The following PCDHGC3 variants were observed in gnomAD, a reference collection of about 807,000 sequenced individuals.
PCDHGC3 encodes the protein protocadherin gamma subfamily C, 3, also known as protocadherin gamma-C3.
A neutral mutation model predicts 59.2 loss-of-function variants in PCDHGC3; 26 were observed. The ratio of observed to expected loss-of-function variants is 0.44; its 90% CI spans 0.32 to 0.61. PCDHGC3 has a LOEUF of 0.61. Ranked by LOEUF, PCDHGC3 falls within the 20% of genes least tolerant of loss-of-function variation. The pLI, the probability that PCDHGC3 is intolerant of heterozygous loss-of-function variation, is 0.05. For missense variants in PCDHGC3, 1,080 were observed against 1,221.8 expected (o/e 0.88, Z 1.73); for synonymous variants, 487 against 519.7 (o/e 0.94, Z 0.86).
At position 141,485,532 on chromosome 5, in the gene PCDHGC3, A is replaced by C. The variant is rs1360942348; in HGVS notation, c.2430+6986A>C. 6.2e-7 allele frequency: 1 copy of C among 1,614,108 alleles called. No individual in the cohort carries two copies. The highest frequency in any genetic ancestry group is 1.7e-5 in the Admixed American group (1 of 60,000). ...GGTCCTTTGGAAATGTACCGAGCAG[A>C]GGTAGAGATCGTAGATGTGAATGAT... On this transcript the variant is annotated intron_variant, in intron 1 of 3. Transcript: ENST00000308177. This position sits in a 1 kb window ranked among gnomAD's most constrained non-coding sequence, Gnocchi z 5.7.
rs2233610 is a variant in PCDHGC3, at chr5:141,505,535, G to A, written c.2578+54G>A. ...AGTGGGAGACCTGGGGTTCTGGGGT[G>A]CATCTCACAGCCACCATGCCCACGG... is the stretch of plus-strand genomic sequence containing the variant. On this transcript the variant is annotated intron_variant, in intron 3 of 3. Transcript: ENST00000308177. 12 of 1,610,344 alleles carry A rather than the reference G, an allele frequency of 7.5e-6. No individual in the cohort carries two copies. The East Asian group carries it at 1.8e-4, about 24-fold the overall frequency.
At chr5:141,480,033 C>T (rs370321166) in intron 1 of PCDHGC3, among the ~76,000 whole-genome samples, 1 of 152,106 alleles carries the variant, frequency 6.6e-6, no homozygotes, top group African/African-American at 2.4e-5. Flanking sequence ...AAGCCTCTTC[C>T]TCATATGCAA....
intron 1 of PCDHGC3, among the ~76,000 whole-genome samples, chr5:141,482,988 G>A (rs982148755): frequency 2.6e-5 from 4 of 152,112 alleles, no homozygotes; most frequent in South Asian, 2.1e-4. Context: ...GAGAGGTCGA[G>A]GCAGGAGAAT....
chr5:141,476,317 G>T lies in PCDHGC3; in HGVS notation c.201G>T (p.Arg67=), dbSNP rs759809060. ...GTAGCCTCTCAGCCCGCAGGTTCCG[G>T]GTGGTGTCTGGAGCTAGCCGAAGAT... The part of the protein sequence containing the change: ...DLGSLSARRF[R]VVSGASRRFF... The change falls in exon 1 of 4, where the codon CGG becomes CGT. Residue 67 remains arginine, a synonymous_variant. Transcript: ENST00000308177. This position sits in a 1 kb window ranked among gnomAD's most constrained non-coding sequence, Gnocchi z 7.6. 1.9e-6 allele frequency: 3 copies of T among 1,614,170 alleles called. No individual in the cohort carries two copies. The highest frequency in any genetic ancestry group is 1.7e-5 in the Admixed American group (1 of 60,024).
At chr5:141,499,880 G>A (rs1177287013) in intron 2 of PCDHGC3, among the ~76,000 whole-genome samples, 1 of 151,886 alleles carries the variant, frequency 6.6e-6, no homozygotes, top group African/African-American at 2.4e-5. Flanking sequence ...TACAAACAGG[G>A]TTTCGCCATG....
intron 1 of PCDHGC3, chr5:141,484,976 G>T: frequency 1.7e-6 from 1 of 592,920 alleles, no homozygotes; most frequent in South Asian, 2.1e-5. Flanking sequence ...GCCGCTGTCT[G>T]CCAATCGGGT....
At chr5:141,480,745 C>T (rs528415324) in intron 1 of PCDHGC3, among the ~76,000 whole-genome samples, 1 of 152,278 alleles carries the variant, frequency 6.6e-6, no homozygotes, top group Non-Finnish European at 1.5e-5. Flanking sequence ...ACATAGGCAT[C>T]ATTTTTTGAA....
chr5:141,495,010 G>A (rs1327870362), intron 2 of PCDHGC3, 145 bp downstream of exon 2: 6 of 1,516,970 alleles, frequency 4.0e-6, no homozygotes, highest in Non-Finnish European at 5.3e-6. Context: ...GTGTGCGGGG[G>A]GCTGGCACAC....
At chr5:141,488,439 C>G (rs2099675441) in intron 1 of PCDHGC3, among the ~76,000 whole-genome samples, 1 of 152,206 alleles carries the variant, frequency 6.6e-6, no homozygotes, top group African/African-American at 2.4e-5. Context: ...TCTGACCACC[C>G]TCCTGGGTGA....
intron 3 of PCDHGC3, among the ~76,000 whole-genome samples, chr5:141,506,866 T>C (rs1182560001): frequency 2.6e-5 from 4 of 152,104 alleles, no homozygotes; most frequent in Admixed American, 2.6e-4. Context: ...GACTGGTGGG[T>C]AGAGAACCAG....
At chr5:141,483,656 G>A (rs1345435222) in intron 1 of PCDHGC3, among the ~76,000 whole-genome samples, 1 of 151,984 alleles carries the variant, frequency 6.6e-6, no homozygotes, top group Non-Finnish European at 1.5e-5. Flanking sequence ...GTTTGTGTGT[G>A]TGTGTGTGTG....
At chr5:141,494,776 C>T in intron 1 of PCDHGC3, 31 bp from the exon 2 acceptor site, 1 of 1,614,100 alleles carries the variant, frequency 6.2e-7, no homozygotes, top group East Asian at 2.2e-5. Context: ...CTCACGGGTA[C>T]TCAGCCCCTT....
chr5:141,509,273 C>T (rs1026035086), intron 3 of PCDHGC3, among the ~76,000 whole-genome samples: 1 of 152,098 alleles, frequency 6.6e-6, no homozygotes, highest in Admixed American at 6.5e-5. Flanking sequence ...CTCTCGCTAC[C>T]CGCTCCCAGG....
chr5:141,498,725 A>AGT (rs2099785409), intron 2 of PCDHGC3, among the ~76,000 whole-genome samples: 1 of 152,150 alleles, frequency 6.6e-6, no homozygotes, highest in Non-Finnish European at 1.5e-5. Flanking sequence ...TGAGGTCAGG[A>AGT]GTTTGAGACC....
Position 141,490,602 on chromosome 5 carries a change from C to G in PCDHGC3, c.2431-4205C>G, listed in dbSNP as rs1249440194. On this transcript the variant is annotated intron_variant, in intron 1 of 3. Transcript: ENST00000308177. This position sits in a 1 kb window ranked among gnomAD's most constrained non-coding sequence, Gnocchi z 5.4. Reference sequence around the variant, plus strand: ...ATGTCAATGACAATGCACCCCGCTTCAACCAGCAGCTTTACACTGCTTACA... The same window carrying G: ...ATGTCAATGACAATGCACCCCGCTTGAACCAGCAGCTTTACACTGCTTACA... The G allele has an allele frequency of 6.2e-7, 1 of 1,614,084 alleles. No individual in the cohort carries two copies. Among genetic ancestry groups the G allele is most frequent in the African/African-American group, 1.3e-5 (1 of 74,930 alleles).
intron 2 of PCDHGC3, among the ~76,000 whole-genome samples, chr5:141,503,432 TA>T (rs1423418926): frequency 6.6e-6 from 1 of 151,668 alleles, no homozygotes; most frequent in African/African-American, 2.4e-5. Flanking sequence ...CCATCTCTAC[TA>T]AAAATACAAA....
intron 1 of PCDHGC3, 118 bp downstream of exon 1, chr5:141,478,664 C>T (rs2099470287): frequency 1.3e-6 from 2 of 1,551,788 alleles, no homozygotes; most frequent in Non-Finnish European, 1.7e-6. Context: ...GATGCATTCA[C>T]ACTTTCAACT....
rs771124496 is a variant in PCDHGC3, at chr5:141,489,457, C to A, written c.2431-5350C>A. The A allele has an allele frequency of 6.2e-7, 1 of 1,613,882 alleles. No homozygotes were observed. The highest frequency in any genetic ancestry group is 8.5e-7 in the Non-Finnish European group (1 of 1,179,984). ...GCAATTGGGCTCTGAGGAGAATGGG[C>A]GCTATTTTTCCCTGAGCTTGATGAG... On this transcript the variant is annotated intron_variant, in intron 1 of 3. Coordinates refer to ENST00000308177, the MANE Select transcript of PCDHGC3 (RefSeq NM_002588.4). This position sits in a 1 kb window ranked among gnomAD's most constrained non-coding sequence, Gnocchi z 4.5.
chr5:141,491,896 C>A lies in PCDHGC3; in HGVS notation c.2431-2911C>A. ...CGATTAAGGGATGGGGCTCCGAGCA[C>A]CGGGGGTGGTGGCGACTGTGGGCGA... On this transcript the variant is annotated intron_variant, in intron 1 of 3. Coordinates refer to ENST00000308177, the MANE Select transcript of PCDHGC3 (RefSeq NM_002588.4). This position sits in a 1 kb window ranked among gnomAD's most constrained non-coding sequence, Gnocchi z 6.9. 1 of 1,434,504 alleles carries A rather than the reference C, an allele frequency of 7.0e-7. No homozygotes were observed. Among genetic ancestry groups the A allele is most frequent in the Non-Finnish European group, 9.2e-7 (1 of 1,084,690 alleles). The allele number at this position is 1,434,504 out of a possible 1,614,324, so 88.9% of individuals were successfully genotyped here.
Sources: allele counts gnomAD v4.1 joint callset (sites outside exome capture counted in the v4.1 genomes callset), GRCh38; gene constraint gnomAD v4.1.1; non-coding constraint Gnocchi (gnomAD v3.1); transcripts MANE v1.5; gene names NCBI Gene and HGNC (gene_info 2026-07-23, HGNC 2026-07-21).